Variants in MTAP observed in about 807,000 individuals in gnomAD.
The protein encoded by MTAP is methylthioadenosine phosphorylase.
In MTAP, 33 loss-of-function variants were observed where a neutral mutation model predicts 33.6. The ratio of observed to expected loss-of-function variants is 0.98; its 90% CI spans 0.74 to 1.31. The LOEUF (loss-of-function observed/expected upper bound fraction) is 1.31, where lower values mean the gene tolerates loss of function less well. Among genes scored for constraint, MTAP ranks in the 40% most tolerant of loss-of-function variants. MTAP has a pLI of 0.00. For missense variants in MTAP, 367 were observed against 360.0 expected (o/e 1.02, Z -0.16); for synonymous variants, 148 against 125.7 (o/e 1.18, Z -1.19).
downstream of MTAP, among the ~76,000 whole-genome samples, chr9:21,939,182 C>A (rs995740601): frequency 6.6e-6 from 1 of 152,170 alleles, no homozygotes; most frequent in Non-Finnish European, 1.5e-5. Context: ...TTTCAGCTCC[C>A]GCCATAATTC....
Position 21,855,673 on chromosome 9 carries a change from G to A in MTAP, c.690+803G>A, listed in dbSNP as rs78091538. ...GCAGCAGGATCCAGCTGGAATTTGA[G>A]GACACTGGAACAATGAGGTCAGCTT... On this transcript the variant is annotated intron_variant, in intron 6 of 7. Coordinates refer to ENST00000644715, the MANE Select transcript of MTAP (RefSeq NM_002451.4). Among the ~76,000 whole-genome samples, 1,441 of 152,172 alleles carry A rather than the reference G, an allele frequency of 9.5e-3. 10 individuals carry two copies. Among genetic ancestry groups the A allele is most frequent in the Non-Finnish European group, 0.016 (1,074 of 67,996 alleles).
chr9:21,920,737 T>A (rs1008863235), intron 1 of MTAP, among the ~76,000 whole-genome samples: 8 of 152,222 alleles, frequency 5.3e-5, no homozygotes, highest in African/African-American at 1.9e-4. Context: ...TGTGTATTAA[T>A]CTGGAAATAT....
intron 1 of MTAP, among the ~76,000 whole-genome samples, chr9:21,809,605 C>T (rs925426643): frequency 6.6e-6 from 1 of 150,994 alleles, no homozygotes; most frequent in African/African-American, 2.4e-5. Context: ...CACCACTGCA[C>T]TCCAGCCTGG....
chr9:21,882,652 A>C (rs900083952), intron 1 of MTAP, among the ~76,000 whole-genome samples: 1 of 152,056 alleles, frequency 6.6e-6, no homozygotes, highest in Admixed American at 6.6e-5. Flanking sequence ...TAAACGTTTT[A>C]TATGCAATAA....
At chr9:21,882,080 T>A (rs1031824246) in intron 1 of MTAP, among the ~76,000 whole-genome samples, 2 of 151,982 alleles carry the variant, frequency 1.3e-5, no homozygotes, top group South Asian at 4.1e-4. Flanking sequence ...AGGTATAGCA[T>A]GCAAATGTAG....
intron 5 of MTAP, among the ~76,000 whole-genome samples, chr9:21,849,894 A>G (rs543787315): frequency 6.6e-6 from 1 of 152,234 alleles, no homozygotes; most frequent in Admixed American, 6.5e-5. Flanking sequence ...CCTGGTATGC[A>G]GCCATTGACT....
At chr9:21,882,748 A>G (rs1031820952) in intron 1 of MTAP, among the ~76,000 whole-genome samples, 1 of 152,058 alleles carries the variant, frequency 6.6e-6, no homozygotes, top group East Asian at 1.9e-4. Context: ...TGTCTCAATA[A>G]ATTTTAAAGT....
At chr9:21,893,941 A>G (rs1818243501) in intron 1 of MTAP, 1 of 151,746 alleles carries the variant, frequency 6.6e-6, no homozygotes, top group South Asian at 2.1e-4. Flanking sequence ...ACACACACAC[A>G]CACACACACA....
intron 1 of MTAP, among the ~76,000 whole-genome samples, chr9:21,811,278 A>G (rs1288201212): frequency 1.3e-5 from 2 of 152,204 alleles, no homozygotes; most frequent in East Asian, 3.9e-4. Context: ...AAGGGTTGGT[A>G]AAATCTCCTG....
intron 4 of MTAP, among the ~76,000 whole-genome samples, chr9:21,835,750 G>T (rs1219249384): frequency 6.6e-6 from 1 of 152,178 alleles, no homozygotes; most frequent in African/African-American, 2.4e-5. Flanking sequence ...AAACCTCATT[G>T]CTCTTGGTCA....
intron 1 of MTAP, among the ~76,000 whole-genome samples, chr9:21,908,820 G>C (rs1818517346): frequency 6.6e-6 from 1 of 151,628 alleles, no homozygotes; most frequent in Admixed American, 6.6e-5. Context: ...AATTATACTT[G>C]ATATTACATT....
downstream of MTAP, among the ~76,000 whole-genome samples, chr9:21,868,829 G>A (rs776647662): frequency 1.6e-4 from 25 of 152,112 alleles, no homozygotes; most frequent in Admixed American, 2.6e-4. Context: ...AGCACGCATC[G>A]TCATCACCTG....
intron 4 of MTAP, among the ~76,000 whole-genome samples, chr9:21,824,720 A>G (rs529393671): frequency 6.6e-6 from 1 of 152,308 alleles, no homozygotes; most frequent in African/African-American, 2.4e-5. Context: ...AGAGGCAGGC[A>G]GGCCTCCTTG....
chr9:21,864,471 C>G lies in MTAP; in HGVS notation c.*2457C>G. ...GGAAAGCTGTAGTTTAGTGACTTAG[C>G]CCTTAGTGATTAATAGATTTGCATG... On this transcript the variant is annotated 3_prime_UTR_variant, in exon 8 of 8. Transcript: ENST00000644715. 1 of 985,322 alleles carries G rather than the reference C, an allele frequency of 1.0e-6. No individual in the cohort carries two copies. Among genetic ancestry groups the G allele is most frequent in the South Asian group, 4.7e-5 (1 of 21,284 alleles). 61.0% of individuals were successfully genotyped at this position (985,322 alleles called of 1,614,324 possible).
At chr9:21,838,104 T>C (rs927388039) in intron 5 of MTAP, 94 bp downstream of exon 5, 9 of 933,636 alleles carry the variant, frequency 9.6e-6, no homozygotes, top group African/African-American at 3.3e-5. Flanking sequence ...AGTGGCCCCA[T>C]ACCCTCACTC....
chr9:21,916,525 A>T (rs559847455), intron 1 of MTAP, among the ~76,000 whole-genome samples: 171 of 152,136 alleles, frequency 1.1e-3, no homozygotes, highest in African/African-American at 3.9e-3. Context: ...CAGGAGAATC[A>T]CTTGAACCCA....
intron 2 of MTAP, 23 bp from the exon 3 acceptor site, chr9:21,816,691 T>C (rs1824483972): frequency 6.2e-7 from 1 of 1,604,120 alleles, no homozygotes; most frequent in Non-Finnish European, 8.5e-7. Context: ...CTGAGTTAAA[T>C]GTCATTTTTT....
chr9:21,914,787 A>T (rs969660142), intron 1 of MTAP, among the ~76,000 whole-genome samples: 17 of 151,104 alleles, frequency 1.1e-4, no homozygotes, highest in South Asian at 4.2e-4. Flanking sequence ...ATAATAATAA[A>T]AAAAAAATAA....
intron 1 of MTAP, among the ~76,000 whole-genome samples, chr9:21,806,825 C>A (rs1357735768): frequency 2.0e-5 from 3 of 152,116 alleles, no homozygotes; most frequent in Non-Finnish European, 4.4e-5. Flanking sequence ...TGCAGTGTAC[C>A]ATGGCTCCCC....
Sources: gnomAD v4.1 joint callset for allele counts (sites outside exome capture counted in the v4.1 genomes callset) on GRCh38, gnomAD v4.1.1 for gene constraint, MANE v1.5 for transcripts, NCBI Gene and HGNC (gene_info 2026-07-23, HGNC 2026-07-21) for gene names.